Variants in BFSP1 observed in about 807,000 individuals in gnomAD.
BFSP1 encodes the protein beaded filament structural protein 1, also known as filensin.
Under a neutral mutation model 43.9 loss-of-function variants are expected in BFSP1, and 38 were observed. That is an observed-to-expected ratio of 0.87 (90% CI 0.67 to 1.14). The LOEUF (loss-of-function observed/expected upper bound fraction) is 1.14, where lower values mean the gene tolerates loss of function less well. Ranked by LOEUF, BFSP1 falls within the 50% of genes most tolerant of loss-of-function variation. The pLI is 0.00. For synonymous variants in BFSP1, 352 were observed against 354.8 expected, an observed-to-expected ratio of 0.99 and a Z score of 0.09; for missense variants, 850 against 875.1, an observed-to-expected ratio of 0.97 and a Z score of 0.36.
At chr20:17,530,607 G>T (rs999104889) in intron 1 of BFSP1, among the ~76,000 whole-genome samples, 2 of 152,164 alleles carry the variant, frequency 1.3e-5, no homozygotes, top group Non-Finnish European at 2.9e-5. Flanking sequence ...CAGGGGTAGT[G>T]GAAATATCTC....
At position 17,494,529 on chromosome 20, in the gene BFSP1, C is replaced by T; in HGVS notation, c.1543G>A (p.Glu515Lys). The stretch of plus-strand genomic sequence containing the variant: ...TTCTCTAAAGGGGGCTTGGGTGACT[C>T]AGGAGAGGGCTCCACCTGGCCGTCA... ...LYDGQVEPSP[E>K]SPKPPLENGQ... The change falls in exon 8 of 8, where the codon GAG (glutamate) becomes AAG (lysine). Residue 515 changes from glutamate (E) to lysine (K), a missense_variant. By Grantham distance (56) the Glu-to-Lys change is moderately conservative (BLOSUM62 1). Coordinates refer to ENST00000377873, the MANE Select transcript of BFSP1 (RefSeq NM_001195.5). The T allele has an allele frequency of 1.2e-6, 2 of 1,614,230 alleles. No homozygotes were observed. Among genetic ancestry groups the T allele is most frequent in the Middle Eastern group, 1.6e-4 (1 of 6,062 alleles).
At chr20:17,536,409 G>A (rs1185684956) in intron 1 of BFSP1, among the ~76,000 whole-genome samples, 1 of 152,184 alleles carries the variant, frequency 6.6e-6, no homozygotes, top group Admixed American at 6.5e-5. Context: ...GCACATGCCT[G>A]TAGTCTCAGA....
intron 3 of BFSP1, among the ~76,000 whole-genome samples, chr20:17,513,658 C>T (rs566116389): frequency 2.0e-5 from 3 of 152,332 alleles, no homozygotes; most frequent in African/African-American, 7.2e-5. Flanking sequence ...CCAGGTTGTA[C>T]CCATGTTCCC....
upstream of BFSP1, among the ~76,000 whole-genome samples, chr20:17,533,956 T>C (rs1436270287): frequency 1.3e-5 from 2 of 152,116 alleles, no homozygotes; most frequent in Non-Finnish European, 2.9e-5. Flanking sequence ...CACAAGATAA[T>C]CTGGACAACT....
chr20:17,522,147 T>C (rs1431475788), intron 2 of BFSP1, among the ~76,000 whole-genome samples: 1 of 152,184 alleles, frequency 6.6e-6, no homozygotes, highest in African/African-American at 2.4e-5. Flanking sequence ...TGGCTTCGTG[T>C]CTGGCCTCTG....
intron 2 of BFSP1, among the ~76,000 whole-genome samples, chr20:17,522,666 G>C (rs2034342023): frequency 6.6e-6 from 1 of 152,228 alleles, no homozygotes; most frequent in Non-Finnish European, 1.5e-5. Context: ...AGAAAACCAA[G>C]CTGGTGTCTG....
At chr20:17,553,143 G>C (rs750274400) in intron 1 of BFSP1, among the ~76,000 whole-genome samples, 5 of 152,180 alleles carry the variant, frequency 3.3e-5, no homozygotes, top group Non-Finnish European at 7.4e-5. Flanking sequence ...CAGGAAGAGT[G>C]TGTGGGATTC....
chr20:17,539,465 A>G (rs563682829), intron 1 of BFSP1, among the ~76,000 whole-genome samples: 1 of 152,064 alleles, frequency 6.6e-6, no homozygotes, highest in Non-Finnish European at 1.5e-5. Flanking sequence ...GATTGAACAT[A>G]CATTTGGGGG....
At chr20:17,546,717 AC>A (rs1469644138) in intron 1 of BFSP1, among the ~76,000 whole-genome samples, 5 of 152,098 alleles carry the variant, frequency 3.3e-5, no homozygotes, top group South Asian at 2.1e-4. Context: ...AACAAAAAAA[AC>A]AAAGAAGAAA....
chr20:17,497,158 G>A, intron 6 of BFSP1, 135 bp from the exon 7 acceptor site: 1 of 606,062 alleles, frequency 1.7e-6, no homozygotes, highest in Non-Finnish European at 2.8e-6. Flanking sequence ...ATTTTAAACA[G>A]ACAGCCATAC....
chr20:17,544,588 C>G (rs2034771007), intron 1 of BFSP1, among the ~76,000 whole-genome samples: 1 of 152,076 alleles, frequency 6.6e-6, no homozygotes. Flanking sequence ...AGTACTAAGA[C>G]AAGAAATAAA....
chr20:17,556,402 G>A lies in BFSP1; in HGVS notation c.2+2286C>T, dbSNP rs140672479. On this transcript the variant is annotated intron_variant, in intron 1 of 7. Transcript: ENST00000377868. The stretch of plus-strand genomic sequence containing the variant: ...ATTCCCAGCTACTTGGGAGACTGAG[G>A]TGGAAGGATCTCTTGAACCCAGGAG... Among the ~76,000 whole-genome samples the A allele has an allele frequency of 5.9e-4, 90 of 152,226 alleles. 1 individual carries two copies. The South Asian group carries it at 7.5e-3, about 13-fold the overall frequency.
chr20:17,501,505 G>A (rs759346005), intron 5 of BFSP1, among the ~76,000 whole-genome samples: 90 of 151,714 alleles, frequency 5.9e-4, no homozygotes, highest in Non-Finnish European at 1.1e-3. Context: ...GCAGTGAGCC[G>A]AGATCATGCC....
intron 5 of BFSP1, among the ~76,000 whole-genome samples, chr20:17,508,046 T>C (rs1286826321): frequency 2.0e-5 from 3 of 152,364 alleles, no homozygotes; most frequent in African/African-American, 7.2e-5. Context: ...AACATCCAAA[T>C]GGTCCAGGCT....
intron 1 of BFSP1, among the ~76,000 whole-genome samples, chr20:17,558,266 T>C (rs761257643): frequency 1.3e-5 from 2 of 152,088 alleles, no homozygotes; most frequent in Non-Finnish European, 2.9e-5. Context: ...CTGAATAAAG[T>C]ATAGCACCCA....
intron 6 of BFSP1, among the ~76,000 whole-genome samples, chr20:17,498,206 C>T (rs961691265): frequency 2.0e-5 from 3 of 152,150 alleles, no homozygotes; most frequent in Admixed American, 6.5e-5. Context: ...AATTCCCAAC[C>T]CGTTCTCTGG....
At chr20:17,539,888 A>G (rs1467278852) in intron 1 of BFSP1, among the ~76,000 whole-genome samples, 1 of 152,240 alleles carries the variant, frequency 6.6e-6, no homozygotes, top group Non-Finnish European at 1.5e-5. Flanking sequence ...AACATGTTCT[A>G]TCTTCCAAAG....
At chr20:17,537,822 A>C (rs2034653622) in intron 1 of BFSP1, among the ~76,000 whole-genome samples, 1 of 152,154 alleles carries the variant, frequency 6.6e-6, no homozygotes, top group South Asian at 2.1e-4. Context: ...TACGACATGT[A>C]AGAAAATGAC....
chr20:17,566,501 A>G (rs372899951), intron 1 of BFSP1, among the ~76,000 whole-genome samples: 3 of 152,250 alleles, frequency 2.0e-5, no homozygotes, highest in East Asian at 1.9e-4. Context: ...GGTGGCTTAC[A>G]AACAACAGCA....
Sources: gnomAD v4.1 joint callset for allele counts (sites outside exome capture counted in the v4.1 genomes callset) on GRCh38, gnomAD v4.1.1 for gene constraint, MANE v1.5 for transcripts, NCBI Gene and HGNC (gene_info 2026-07-23, HGNC 2026-07-21) for gene names.